Variants in LEKR1 observed in about 807,000 individuals in gnomAD.
The protein encoded by LEKR1 is leucine, glutamate and lysine rich 1.
LEKR1 carries 59 observed loss-of-function variants against 72.4 expected under a neutral mutation model. The ratio of observed to expected loss-of-function variants is 0.82; its 90% CI spans 0.66 to 1.01. The LOEUF (loss-of-function observed/expected upper bound fraction) is 1.01. Among genes scored for constraint, LEKR1 ranks in the 50% least tolerant of loss-of-function variants. LEKR1 has a pLI of 0.00. For synonymous variants in LEKR1, 257 were observed against 263.2 expected, an observed-to-expected ratio of 0.98 and a Z score of 0.23; for missense variants, 728 against 759.2, an observed-to-expected ratio of 0.96 and a Z score of 0.48.
intron 2 of LEKR1, among the ~76,000 whole-genome samples, chr3:156,832,501 C>T (rs1279227917): frequency 1.3e-5 from 2 of 152,182 alleles, no homozygotes; most frequent in Non-Finnish European, 2.9e-5. Context: ...TGGTTATTTG[C>T]ATAAAATGCA....
intron 9 of LEKR1, among the ~76,000 whole-genome samples, chr3:157,005,514 C>A (rs2108018287): frequency 6.6e-6 from 1 of 152,142 alleles, no homozygotes; most frequent in African/African-American, 2.4e-5. Flanking sequence ...AATTAACAGA[C>A]CAACATTCCT....
intron 3 of LEKR1, among the ~76,000 whole-genome samples, chr3:156,867,052 A>G (rs1717390899): frequency 6.6e-6 from 1 of 152,122 alleles, no homozygotes; most frequent in Non-Finnish European, 1.5e-5. Context: ...AAAGAGATAC[A>G]TAAACATTTG....
intron 12 of LEKR1, among the ~76,000 whole-genome samples, chr3:157,042,954 G>T (rs556041191): frequency 1.2e-4 from 19 of 152,142 alleles, no homozygotes; most frequent in Non-Finnish European, 2.4e-4. Context: ...AGTGTTGGAG[G>T]TGGGGCCTGG....
intron 12 of LEKR1, 151 bp from the exon 13 acceptor site, chr3:157,045,189 C>T: frequency 1.6e-6 from 1 of 626,790 alleles, no homozygotes; most frequent in Non-Finnish European, 2.7e-6. Context: ...CTGTTCTTGA[C>T]TTGTCTGTCC....
chr3:156,907,629 G>A (rs955069271), intron 3 of LEKR1, among the ~76,000 whole-genome samples: 5 of 152,044 alleles, frequency 3.3e-5, no homozygotes, highest in South Asian at 2.1e-4. Context: ...CTCATTGTAC[G>A]TGCCCAAGTC....
chr3:157,020,395 A>G lies in LEKR1; in HGVS notation c.1204-4365A>G, dbSNP rs558478644. On this transcript the variant is annotated intron_variant, in intron 10 of 12. Transcript: ENST00000356539. Reference sequence around the variant, plus strand: ...TGCACCCATTAACTCGTCATTTAGCATTGGGTATATCTCCTAATGCTATCC... The same window carrying G: ...TGCACCCATTAACTCGTCATTTAGCGTTGGGTATATCTCCTAATGCTATCC... Among the ~76,000 whole-genome samples the G allele has an allele frequency of 2.8e-5, 4 of 142,324 alleles. 1 individual carries two copies. Among genetic ancestry groups the G allele is most frequent in the Admixed American group, 2.8e-4 (4 of 14,266 alleles). 93.4% of individuals were successfully genotyped at this position (142,324 alleles called of 152,430 possible).
At chr3:156,994,670 T>C (rs1349562039) in intron 9 of LEKR1, among the ~76,000 whole-genome samples, 1 of 152,226 alleles carries the variant, frequency 6.6e-6, no homozygotes, top group African/African-American at 2.4e-5. Flanking sequence ...AACCTATATA[T>C]GCTAACGTAT....
chr3:156,885,151 T>C (rs1389972179), intron 3 of LEKR1, among the ~76,000 whole-genome samples: 3 of 152,198 alleles, frequency 2.0e-5, no homozygotes, highest in Admixed American at 6.5e-5. Flanking sequence ...TTCTTTATGA[T>C]ACCTATTTCT....
At chr3:157,011,915 G>T (rs1732922217) in intron 10 of LEKR1, among the ~76,000 whole-genome samples, 1 of 151,808 alleles carries the variant, frequency 6.6e-6, no homozygotes, top group Non-Finnish European at 1.5e-5. Flanking sequence ...TTTGGTTTTG[G>T]ACTTTTGACA....
chr3:156,972,203 A>G (rs1374979488), intron 6 of LEKR1, among the ~76,000 whole-genome samples: 1 of 152,170 alleles, frequency 6.6e-6, no homozygotes, highest in African/African-American at 2.4e-5. Flanking sequence ...TACATGGATG[A>G]AGCTGGAAAC....
At position 156,882,677 on chromosome 3, in the gene LEKR1, A is replaced by G. The variant is rs1208901872; in HGVS notation, c.263+29695A>G. Reference sequence around the variant, plus strand: ...GTATATACCCAAAGGACTATAAATCATGCTGTTATAAAGACACATGCACAC... The same window carrying G: ...GTATATACCCAAAGGACTATAAATCGTGCTGTTATAAAGACACATGCACAC... On this transcript the variant is annotated intron_variant, in intron 3 of 12. Coordinates refer to ENST00000356539, the MANE Select transcript of LEKR1 (RefSeq NM_001004316.3). Among the ~76,000 whole-genome samples, 4 of 152,304 alleles carry G rather than the reference A, an allele frequency of 2.6e-5. No individual in the cohort carries two copies. The East Asian group carries it at 7.7e-4, about 29-fold the overall frequency.
At chr3:156,900,197 A>G (rs552107696) in intron 3 of LEKR1, among the ~76,000 whole-genome samples, 2 of 152,302 alleles carry the variant, frequency 1.3e-5, no homozygotes, top group East Asian at 3.9e-4. Flanking sequence ...ATGTGGGTCC[A>G]TTGTTTTTGA....
intron 3 of LEKR1, among the ~76,000 whole-genome samples, chr3:156,890,092 T>A (rs1720506673): frequency 1.3e-5 from 2 of 152,232 alleles, no homozygotes; most frequent in African/African-American, 4.8e-5. Context: ...ATAGCTCATG[T>A]AAATTATTAA....
intron 7 of LEKR1, among the ~76,000 whole-genome samples, chr3:156,983,949 C>T (rs1301708968): frequency 1.3e-5 from 2 of 151,968 alleles, no homozygotes; most frequent in East Asian, 3.9e-4. Context: ...CAAAAAGTGG[C>T]TATGAATTCA....
intron 5 of LEKR1, among the ~76,000 whole-genome samples, chr3:156,939,819 T>G (rs1726042201): frequency 6.6e-6 from 1 of 152,164 alleles, no homozygotes; most frequent in Non-Finnish European, 1.5e-5. Context: ...ATCAGGCGAA[T>G]TCCACTCCCA....
At chr3:156,842,277 C>T (rs1193260601) in intron 2 of LEKR1, among the ~76,000 whole-genome samples, 1 of 152,008 alleles carries the variant, frequency 6.6e-6, no homozygotes, top group Non-Finnish European at 1.5e-5. Context: ...TTGGAAATGG[C>T]TCTATTTCTC....
chr3:157,043,005 G>A (rs1489775465), intron 12 of LEKR1, among the ~76,000 whole-genome samples: 3 of 152,158 alleles, frequency 2.0e-5, no homozygotes, highest in African/African-American at 7.2e-5. Context: ...CTCATGAATG[G>A]TTTAGCACCA....
At chr3:156,929,359 C>G (rs1172307702) in intron 5 of LEKR1, among the ~76,000 whole-genome samples, 1 of 152,014 alleles carries the variant, frequency 6.6e-6, no homozygotes, top group Admixed American at 6.6e-5. Flanking sequence ...TTTTAAATAG[C>G]TGAGCACCTA....
intron 9 of LEKR1, among the ~76,000 whole-genome samples, chr3:156,997,537 C>T (rs1731676493): frequency 6.6e-6 from 1 of 152,226 alleles, no homozygotes; most frequent in Non-Finnish European, 1.5e-5. Context: ...AAGTACCAAA[C>T]CACTGCTGTG....
Sources: allele counts gnomAD v4.1 joint callset (sites outside exome capture counted in the v4.1 genomes callset), GRCh38; gene constraint gnomAD v4.1.1; transcripts MANE v1.5; gene names NCBI Gene and HGNC (gene_info 2026-07-23, HGNC 2026-07-21).